Variants in PKIB observed in about 807,000 individuals in gnomAD.
PKIB encodes the protein cAMP-dependent protein kinase inhibitor beta.
A neutral mutation model predicts 4.5 loss-of-function variants in PKIB; 2 were observed. That is an observed-to-expected ratio of 0.44 (90% CI 0.18 to 1.39). The LOEUF (loss-of-function observed/expected upper bound fraction) is 1.39. PKIB is among the 40% of genes most tolerant of loss of function. The pLI, the probability that PKIB is intolerant of heterozygous loss-of-function variation, is 0.27. For missense variants in PKIB, 94 were observed against 92.6 expected (o/e 1.02, Z -0.06); for synonymous variants, 38 against 36.0 (o/e 1.06, Z -0.20).
intron 2 of PKIB, among the ~76,000 whole-genome samples, chr6:122,538,904 G>A (rs981595447): frequency 6.6e-6 from 1 of 152,022 alleles, no homozygotes; most frequent in African/African-American, 2.4e-5. Context: ...CACATCCCTT[G>A]TAAGTTGGAT....
intron 3 of PKIB, among the ~76,000 whole-genome samples, chr6:122,687,998 C>G (rs1191496456): frequency 2.0e-5 from 3 of 151,688 alleles, no homozygotes; most frequent in East Asian, 1.9e-4. Context: ...TGTTGAATAA[C>G]AGTAGTGAAA....
chr6:122,600,287 G>A (rs1367100453), intron 3 of PKIB, among the ~76,000 whole-genome samples: 2 of 152,100 alleles, frequency 1.3e-5, no homozygotes, highest in African/African-American at 4.8e-5. Context: ...TTAGATTGTG[G>A]CCACCAGATT....
intron 3 of PKIB, among the ~76,000 whole-genome samples, chr6:122,590,926 G>C (rs935912543): frequency 6.6e-6 from 1 of 151,878 alleles, no homozygotes; most frequent in South Asian, 2.1e-4. Flanking sequence ...AGTGTAGAAG[G>C]TGTCTGCCAA....
chr6:122,646,107 T>C (rs953201885), intron 2 of PKIB, among the ~76,000 whole-genome samples: 1 of 152,186 alleles, frequency 6.6e-6, no homozygotes, highest in Non-Finnish European at 1.5e-5. Flanking sequence ...CTTAGATTTA[T>C]CCTTAGGAAG....
chr6:122,704,778 G>A (rs1185802020), intron 3 of PKIB, among the ~76,000 whole-genome samples: 2 of 151,006 alleles, frequency 1.3e-5, no homozygotes, highest in Admixed American at 6.6e-5. Context: ...ATTAAATATA[G>A]CAAAGTGTTG....
intron 3 of PKIB, among the ~76,000 whole-genome samples, chr6:122,693,157 C>A (rs918703513): frequency 7.2e-5 from 11 of 152,230 alleles, no homozygotes; most frequent in Middle Eastern, 3.4e-3. Flanking sequence ...TACCCTGTGA[C>A]GTATAATTAA....
chr6:122,642,957 C>A (rs1776176175), intron 2 of PKIB, among the ~76,000 whole-genome samples: 2 of 152,004 alleles, frequency 1.3e-5, no homozygotes, highest in South Asian at 4.1e-4. Flanking sequence ...AGTATAGCTC[C>A]TAGGATTAAA....
chr6:122,536,065 A>T (rs1171091760), intron 2 of PKIB, among the ~76,000 whole-genome samples: 2 of 152,050 alleles, frequency 1.3e-5, no homozygotes, highest in African/African-American at 2.4e-5. Context: ...TCAGCCTCCC[A>T]AGTAGCTGGG....
chr6:122,500,821 A>C (rs1776209501), intron 2 of PKIB, among the ~76,000 whole-genome samples: 1 of 152,212 alleles, frequency 6.6e-6, no homozygotes, highest in Non-Finnish European at 1.5e-5. Flanking sequence ...GGGAAGACTC[A>C]GGAAATTTGC....
intron 2 of PKIB, chr6:122,652,663 C>T (rs577352796): frequency 1.3e-5 from 2 of 152,292 alleles, no homozygotes; most frequent in East Asian, 1.9e-4. Flanking sequence ...TAACTTTGCT[C>T]TGGATGACTC....
chr6:122,565,496 C>T (rs377266419), intron 2 of PKIB, among the ~76,000 whole-genome samples: 1 of 152,166 alleles, frequency 6.6e-6, no homozygotes, highest in Non-Finnish European at 1.5e-5. Context: ...AACAGGTAAG[C>T]TTGAGAGAAC....
At chr6:122,549,561 A>G (rs1315264566) in intron 2 of PKIB, among the ~76,000 whole-genome samples, 3 of 152,128 alleles carry the variant, frequency 2.0e-5, no homozygotes, top group Admixed American at 6.6e-5. Context: ...TATTCAGTCA[A>G]TTCTTAACAT....
At chr6:122,718,539 AAAAAC>A (rs796256691) in intron 4 of PKIB, among the ~76,000 whole-genome samples, 1 of 152,218 alleles carries the variant, frequency 6.6e-6, no homozygotes, top group Non-Finnish European at 1.5e-5. Flanking sequence ...GGAGATTTAA[AAAAAC>A]AAAACAAAAC....
intron 2 of PKIB, among the ~76,000 whole-genome samples, chr6:122,540,076 T>A (rs960651603): frequency 2.6e-5 from 4 of 152,086 alleles, no homozygotes; most frequent in African/African-American, 9.7e-5. Flanking sequence ...TCTCTTTTAT[T>A]CTTTATTAGT....
At chr6:122,659,701 A>G (rs1776911474) in intron 2 of PKIB, among the ~76,000 whole-genome samples, 1 of 152,186 alleles carries the variant, frequency 6.6e-6, no homozygotes, top group African/African-American at 2.4e-5. Context: ...CTGTAATTTA[A>G]TAACTCTCAG....
intron 2 of PKIB, among the ~76,000 whole-genome samples, chr6:122,501,071 C>G (rs1042386184): frequency 1.3e-5 from 2 of 152,234 alleles, no homozygotes; most frequent in Middle Eastern, 6.8e-3. Flanking sequence ...GACCAAGAGT[C>G]AAACCATATC....
intron 2 of PKIB, among the ~76,000 whole-genome samples, chr6:122,514,120 T>G (rs947504249): frequency 4.6e-5 from 7 of 152,198 alleles, no homozygotes; most frequent in African/African-American, 1.7e-4. Flanking sequence ...ATCCAGGAAT[T>G]CTAAAAGGAA....
At chr6:122,640,333 AT>A in intron 2 of PKIB, among the ~76,000 whole-genome samples, 1 of 152,358 alleles carries the variant, frequency 6.6e-6, no homozygotes, top group African/African-American at 2.4e-5. Context: ...TGCTAAACAT[AT>A]ACAACATTAG....
chr6:122,538,477 T>C (rs1230392942), intron 2 of PKIB, among the ~76,000 whole-genome samples: 1 of 152,116 alleles, frequency 6.6e-6, no homozygotes, highest in African/African-American at 2.4e-5. Context: ...TTGTCAAAGA[T>C]CAGATGGTTG....
Sources: gnomAD v4.1 joint callset for allele counts (sites outside exome capture counted in the v4.1 genomes callset) on GRCh38, gnomAD v4.1.1 for gene constraint, MANE v1.5 for transcripts, NCBI Gene and HGNC (gene_info 2026-07-23, HGNC 2026-07-21) for gene names.